The following CASD1 variants were observed in gnomAD, a reference collection of about 807,000 sequenced individuals.
The protein encoded by CASD1 is CAS1 domain sialic acid O acetyltransferase 1, also known as N-acetylneuraminate (7)9-O-acetyltransferase.
CASD1 carries 41 observed loss-of-function variants against 100.0 expected under a neutral mutation model. That is an observed-to-expected ratio of 0.41 (90% confidence interval 0.32 to 0.53). The LOEUF is 0.53. CASD1 is among the 20% of genes least tolerant of loss of function. CASD1 has a pLI of 0.25. For missense variants in CASD1, 774 were observed against 948.7 expected (o/e 0.82, Z 2.42); for synonymous variants, 321 against 315.6 (o/e 1.02, Z -0.18).
intron 5 of CASD1, among the ~76,000 whole-genome samples, chr7:94,529,583 T>C (rs1794748263): frequency 6.6e-6 from 1 of 152,314 alleles, no homozygotes; most frequent in South Asian, 2.1e-4. Flanking sequence ...AGTAAGCTGC[T>C]AGATCCTGAG....
the CASD1 span, among the ~76,000 whole-genome samples, chr7:94,596,402 AC>A: frequency 6.6e-6 from 1 of 152,146 alleles, no homozygotes; most frequent in African/African-American, 2.4e-5. Context: ...TTATTGATTT[AC>A]AAACATATTC....
chr7:94,528,698 A>G (rs1436419864), intron 5 of CASD1, among the ~76,000 whole-genome samples: 1 of 152,072 alleles, frequency 6.6e-6, no homozygotes. Flanking sequence ...GGCAAGACTA[A>G]TATGTTTTAG....
At position 94,551,431 on chromosome 7, in the gene CASD1, A is replaced by C. The variant is rs752560030; in HGVS notation, c.1909A>C (p.Asn637His). ...AGGAAAGGGTGAACCTCTTTTTTCA[A>C]ACAAAATTTCAAATTTTCTGTTGTT... ...SEGKGEPLFS[N>H]KISNFLLFIS... is the part of the protein sequence containing the mutation. The change falls in exon 15 of 18, where the codon AAC (asparagine) becomes CAC (histidine). Residue 637 changes from asparagine (N) to histidine (H), a missense_variant. Asn to His is a moderately conservative substitution (Grantham distance 68). Transcript: ENST00000297273. The C allele has an allele frequency of 1.3e-6, 2 of 1,535,880 alleles. No homozygotes were observed. Among genetic ancestry groups the C allele is most frequent in the Admixed American group, 4.7e-5 (2 of 42,876 alleles).
intron 6 of CASD1, 77 bp from the exon 7 acceptor site, chr7:94,533,602 G>T: frequency 2.8e-6 from 3 of 1,064,000 alleles, no homozygotes; most frequent in Non-Finnish European, 3.9e-6. Flanking sequence ...AATAACACTT[G>T]TTACAGTAGG....
chr7:94,538,881 A>G lies in CASD1; in HGVS notation c.1267-86A>G, dbSNP rs866691075. 26 of 611,258 alleles carry G rather than the reference A, an allele frequency of 4.3e-5. No individual in the cohort carries two copies. In the Middle Eastern group the frequency reaches 1.8e-3, roughly 42 times the overall value. 37.9% of individuals were successfully genotyped at this position (611,258 alleles called of 1,614,324 possible). A position where few individuals can be genotyped will look rare whatever the true frequency, so the allele number is the denominator to read the frequency against. ...CAGAAGCATTAGCTTTATGTCCTAT[A>G]AGAAAACTTTTAACATACTTATTAT... is the stretch of plus-strand genomic sequence containing the variant. On this transcript the variant is annotated intron_variant, in intron 9 of 17. Transcript: ENST00000297273.
At chr7:94,511,297 T>G (rs1366606890) in intron 1 of CASD1, among the ~76,000 whole-genome samples, 2 of 152,202 alleles carry the variant, frequency 1.3e-5, no homozygotes, top group Non-Finnish European at 2.9e-5. Flanking sequence ...AATTTACACC[T>G]ACTTTGGCAA....
At chr7:94,620,632 A>C in the CASD1 span, 3 of 152,226 alleles carry the variant, frequency 2.0e-5, no homozygotes, top group Non-Finnish European at 4.4e-5. Context: ...TCTAAAATCT[A>C]TTCATTTCAT....
the CASD1 span, among the ~76,000 whole-genome samples, chr7:94,571,040 C>CT: frequency 0.32 from 44,825 of 138,586 alleles, 10,282 homozygotes; most frequent in African/African-American, 0.66. Flanking sequence ...TTAAATTCTC[C>CT]TTTTTTTTTT....
At chr7:94,549,500 A>G (rs754906420) in intron 13 of CASD1, 33 bp from the exon 14 acceptor site, 3 of 1,456,044 alleles carry the variant, frequency 2.1e-6, no homozygotes, top group South Asian at 1.2e-5. Context: ...GACTTGTACC[A>G]TCTTAATTTA....
intron 15 of CASD1, 64 bp from the exon 16 acceptor site, chr7:94,552,286 C>A (rs896902878): frequency 2.8e-6 from 3 of 1,052,932 alleles, no homozygotes; most frequent in Non-Finnish European, 4.3e-6. Context: ...AAAAAAAACA[C>A]TGTGAGGCTT....
chr7:94,527,163 A>G lies in CASD1; in HGVS notation c.353A>G (p.His118Arg), dbSNP rs2116269039. The part of the protein sequence containing the change: ...NPQFKEEGNK[H>R]ENIPFEDKTA... ...TTTCTCTGTCTCCTTTTATGGCAGC[A>G]TGAAAACATTCCTTTTGAAGACAAG... The change falls in exon 4 of 18, where the codon CAT (histidine) becomes CGT (arginine). Residue 118 changes from histidine to arginine, a missense_variant and splice_region_variant. This residue lies in a region of CASD1 where 61 missense variants were observed against 115.9 expected (regional missense o/e 0.53). Transcript: ENST00000297273. The G allele has an allele frequency of 6.2e-7, 1 of 1,608,498 alleles. No individual in the cohort carries two copies. Among genetic ancestry groups the G allele is most frequent in the Non-Finnish European group, 8.5e-7 (1 of 1,175,480 alleles).
At chr7:94,529,040 C>T (rs1334232520) in intron 5 of CASD1, among the ~76,000 whole-genome samples, 1 of 151,984 alleles carries the variant, frequency 6.6e-6, no homozygotes, top group Non-Finnish European at 1.5e-5. Flanking sequence ...AACCTAGCCA[C>T]CATTTCTAAC....
chr7:94,609,545 A>T, the CASD1 span, among the ~76,000 whole-genome samples: 1 of 152,312 alleles, frequency 6.6e-6, no homozygotes, highest in East Asian at 1.9e-4. Flanking sequence ...AACAACAACA[A>T]CAAAAAGCCA....
the CASD1 span, among the ~76,000 whole-genome samples, chr7:94,616,410 G>T: frequency 3.9e-5 from 6 of 152,250 alleles, no homozygotes; most frequent in South Asian, 1.2e-3. Flanking sequence ...TTTATTAGGT[G>T]CCTAGTTAAT....
intron 5 of CASD1, among the ~76,000 whole-genome samples, chr7:94,532,778 AGATTGTTTTG>A (rs1794914216): frequency 6.6e-6 from 1 of 152,182 alleles, no homozygotes; most frequent in Non-Finnish European, 1.5e-5. Context: ...CTTTCCCAGA[AGATTGTTTTG>A]GCACTGACCT....
chr7:94,549,145 T>G (rs1389505724), intron 13 of CASD1, among the ~76,000 whole-genome samples: 1 of 152,016 alleles, frequency 6.6e-6, no homozygotes, highest in Non-Finnish European at 1.5e-5. Context: ...TTTGTATTTT[T>G]CTGTTTGATG....
intron 3 of CASD1, among the ~76,000 whole-genome samples, chr7:94,522,662 A>ATTT (rs66505752): frequency 6.8e-6 from 1 of 148,136 alleles, no homozygotes; most frequent in Non-Finnish European, 1.5e-5. Flanking sequence ...ATTTTTATTT[A>ATTT]TTTTTTTTTT....
At chr7:94,598,589 C>T in the CASD1 span, 14 of 609,078 alleles carry the variant, frequency 2.3e-5, no homozygotes, top group East Asian at 4.0e-4. Flanking sequence ...AAAAAAAGTG[C>T]ATTTCCTAAA....
the CASD1 span, among the ~76,000 whole-genome samples, chr7:94,572,782 G>A: frequency 6.6e-6 from 1 of 152,074 alleles, no homozygotes; most frequent in Non-Finnish European, 1.5e-5. Context: ...TGCTTCTGGT[G>A]TCTTTGTCAT....
Sources: gnomAD v4.1 joint callset for allele counts (sites outside exome capture counted in the v4.1 genomes callset) on GRCh38, gnomAD v4.1.1 for gene constraint, gnomAD v4.1.1 regional missense constraint, MANE v1.5 for transcripts, NCBI Gene and HGNC (gene_info 2026-07-23, HGNC 2026-07-21) for gene names.